Variants in PLCB1 observed in about 807,000 individuals in gnomAD.
The protein encoded by PLCB1 is phospholipase C beta 1, also known as 1-phosphatidylinositol 4,5-bisphosphate phosphodiesterase beta-1.
PLCB1 carries 46 observed loss-of-function variants against 161.8 expected under a neutral mutation model. That is an observed-to-expected ratio of 0.28 (90% CI 0.22 to 0.36). The LOEUF (loss-of-function observed/expected upper bound fraction) is 0.36, where lower values mean the gene tolerates loss of function less well. Among genes scored for constraint, PLCB1 ranks in the 10% least tolerant of loss-of-function variants. PLCB1 has a pLI of 1.00. For missense variants in PLCB1, 1,016 were observed against 1,472.5 expected (o/e 0.69, Z 5.07); for synonymous variants, 517 against 503.7 (o/e 1.03, Z -0.35).
chr20:8,224,638 G>C (rs893321116), intron 2 of PLCB1, among the ~76,000 whole-genome samples: 3 of 152,074 alleles, frequency 2.0e-5, no homozygotes, highest in Non-Finnish European at 4.4e-5. Context: ...TTATAGCAAA[G>C]ATACAGAAAA....
chr20:8,492,567 T>C (rs897041743), intron 3 of PLCB1, among the ~76,000 whole-genome samples: 4 of 152,038 alleles, frequency 2.6e-5, no homozygotes, highest in African/African-American at 9.7e-5. Flanking sequence ...TCAGATTGCC[T>C]TCTGTACATA....
At chr20:8,596,931 G>A (rs1283814149) in intron 3 of PLCB1, among the ~76,000 whole-genome samples, 1 of 152,298 alleles carries the variant, frequency 6.6e-6, no homozygotes, top group Non-Finnish European at 1.5e-5. Flanking sequence ...AAGAATGCTT[G>A]TGATTTTTGC....
intron 2 of PLCB1, among the ~76,000 whole-genome samples, chr20:8,309,691 T>C (rs1490444373): frequency 6.6e-6 from 1 of 152,214 alleles, no homozygotes; most frequent in East Asian, 1.9e-4. Context: ...ACAGCAGTTT[T>C]CTTCGGGCTT....
At chr20:8,805,607 A>T (rs1204781687) in intron 31 of PLCB1, among the ~76,000 whole-genome samples, 1 of 152,244 alleles carries the variant, frequency 6.6e-6, no homozygotes, top group Non-Finnish European at 1.5e-5. Context: ...TTACTGCATC[A>T]TCAAACACCT....
In PLCB1 at chr20:8,343,132, T is replaced by C. The variant is rs560491665; in HGVS notation, c.178-28250T>C. 2.0e-5 allele frequency among the ~76,000 whole-genome samples: 3 copies of C among 152,338 alleles called. No homozygotes were observed. The South Asian group carries it at 6.2e-4, about 32-fold the overall frequency. ...CTCCTAGTCCACTTTTCAAACTTAA[T>C]GTGTGTACCAAGCATGTGGGGCTCT... On this transcript the variant is annotated intron_variant, in intron 2 of 31. Coordinates refer to ENST00000338037, the MANE Select transcript of PLCB1 (RefSeq NM_015192.4).
chr20:8,818,942 CAAAA>C (rs59427171), intron 31 of PLCB1, among the ~76,000 whole-genome samples: 1 of 66,986 alleles, frequency 1.5e-5, no homozygotes. Context: ...GACTCAGTCT[CAAAA>C]AAAAAAAAAA....
intron 3 of PLCB1, chr20:8,371,712 A>C (rs1986909632): frequency 2.7e-6 from 1 of 366,224 alleles, no homozygotes; most frequent in African/African-American, 2.1e-5. Context: ...ACAATGCCCA[A>C]GTTACTGGGT....
intron 27 of PLCB1, among the ~76,000 whole-genome samples, chr20:8,775,791 C>G (rs181926808): frequency 4.6e-4 from 70 of 152,252 alleles, no homozygotes; most frequent in Non-Finnish European, 8.1e-4. Flanking sequence ...CAACAGATCT[C>G]TCGTAGGGCT....
rs142289913 is a variant in PLCB1 at position 8,781,177 on chromosome 20, T to C, written c.3111+6458T>C. 6.3e-3 allele frequency among the ~76,000 whole-genome samples: 955 copies of C among 152,292 alleles called. 8 individuals are homozygous for C. Among genetic ancestry groups the C allele is most frequent in the African/African-American group, 0.022 (920 of 41,562 alleles). ...TCTCAGGAAGTATCCCTACTGTCAGTTGTGGTAGTGCCATCTGTCTTCCTC... is the reference window on the plus strand; with the variant it reads ...TCTCAGGAAGTATCCCTACTGTCAGCTGTGGTAGTGCCATCTGTCTTCCTC... On this transcript the variant is annotated intron_variant, in intron 27 of 31. Transcript: ENST00000338037.
chr20:8,495,047 A>C (rs370140933), intron 3 of PLCB1, among the ~76,000 whole-genome samples: 2 of 151,910 alleles, frequency 1.3e-5, no homozygotes, highest in East Asian at 3.9e-4. Context: ...TGTAGTTTTA[A>C]ATCTTTTATG....
chr20:8,443,162 A>C (rs891000947), intron 3 of PLCB1, among the ~76,000 whole-genome samples: 1 of 151,932 alleles, frequency 6.6e-6, no homozygotes, highest in Non-Finnish European at 1.5e-5. Context: ...TTGTATTTTT[A>C]GTAGAGATGG....
chr20:8,317,122 C>T (rs565530964), intron 2 of PLCB1, among the ~76,000 whole-genome samples: 1 of 152,126 alleles, frequency 6.6e-6, no homozygotes, highest in African/African-American at 2.4e-5. Context: ...GAGGCCATGA[C>T]AGTAATGTAG....
rs78459017 is a variant in PLCB1, at chr20:8,860,127, C to T, written c.3424-21495C>T. ...AAAATGCTCATAATATTTACTCCAGCGAATAATGGGAGAATTCACAGAGGT... is the reference window on the plus strand; with the variant it reads ...AAAATGCTCATAATATTTACTCCAGTGAATAATGGGAGAATTCACAGAGGT... On this transcript the variant is annotated intron_variant, in intron 31 of 31. Transcript: ENST00000338037. 8.8e-4 allele frequency among the ~76,000 whole-genome samples: 134 copies of T among 152,276 alleles called. No homozygotes were observed. The East Asian group carries it at 0.013, about 15-fold the overall frequency.
intron 26 of PLCB1, among the ~76,000 whole-genome samples, chr20:8,771,686 C>CA (rs1479465690): frequency 2.6e-5 from 4 of 151,784 alleles, no homozygotes; most frequent in African/African-American, 9.7e-5. Context: ...AAAACAAAAC[C>CA]AAAAAATCCC....
intron 4 of PLCB1, among the ~76,000 whole-genome samples, chr20:8,633,222 A>C (rs1600211297): frequency 6.6e-6 from 1 of 152,170 alleles, no homozygotes; most frequent in African/African-American, 2.4e-5. Context: ...GCATGGAATC[A>C]AAGACGATGT....
At chr20:8,204,663 A>T (rs1012694314) in intron 2 of PLCB1, among the ~76,000 whole-genome samples, 3 of 152,064 alleles carry the variant, frequency 2.0e-5, no homozygotes, top group Admixed American at 2.0e-4. Flanking sequence ...CCAGAAGCCA[A>T]GCAGATGCTG....
At chr20:8,626,124 G>A (rs973294080) in intron 3 of PLCB1, among the ~76,000 whole-genome samples, 2 of 148,820 alleles carry the variant, frequency 1.3e-5, no homozygotes, top group African/African-American at 5.0e-5. Flanking sequence ...GTTGCAGTGA[G>A]CTGAGATCAC....
intron 9 of PLCB1, among the ~76,000 whole-genome samples, chr20:8,670,288 G>A (rs1989910791): frequency 6.6e-6 from 1 of 152,160 alleles, no homozygotes; most frequent in Non-Finnish European, 1.5e-5. Context: ...AGAATGATGA[G>A]GAGTAAATAA....
At chr20:8,619,008 G>A (rs1240055464) in intron 3 of PLCB1, among the ~76,000 whole-genome samples, 1 of 152,078 alleles carries the variant, frequency 6.6e-6, no homozygotes, top group Non-Finnish European at 1.5e-5. Context: ...ATAACTTTCA[G>A]CAAATACGTA....
Sources: allele counts gnomAD v4.1 joint callset (sites outside exome capture counted in the v4.1 genomes callset), GRCh38; gene constraint gnomAD v4.1.1; transcripts MANE v1.5; gene names NCBI Gene and HGNC (gene_info 2026-07-23, HGNC 2026-07-21).